Variants in MBD5 observed in about 807,000 individuals in gnomAD.
The protein encoded by MBD5 is methyl-CpG binding domain protein 5.
Under a neutral mutation model 117.3 loss-of-function variants are expected in MBD5, and 13 were observed. The observed-to-expected ratio is 0.11, with a 90% CI of 0.07 to 0.18. MBD5 has a LOEUF of 0.18. MBD5 is among the 10% of genes least tolerant of loss of function. The pLI is 1.00. For missense variants in MBD5, 1,879 were observed against 2,093.8 expected (o/e 0.90, Z 2.00); for synonymous variants, 727 against 766.4 (o/e 0.95, Z 0.85).
rs1204071308 is a variant in MBD5, at chr2:148,067,758, C to T, written c.-925+46074C>T. On this transcript the variant is annotated intron_variant, in intron 1 of 13. Transcript: ENST00000642680. ...GCTGGCTTCTAACATCTCATAGTAA[C>T]TGAATGGTCATTCTTACCTCAACTC... Among the ~76,000 whole-genome samples the T allele has an allele frequency of 2.0e-5, 3 of 152,324 alleles. No homozygotes were observed. The East Asian group carries it at 5.8e-4, about 29-fold the overall frequency.
At chr2:148,183,283 A>G (rs1574105286) in intron 2 of MBD5, among the ~76,000 whole-genome samples, 1 of 152,012 alleles carries the variant, frequency 6.6e-6, no homozygotes, top group East Asian at 1.9e-4. Context: ...CTTATCTTAG[A>G]GTTTGAACCA....
intron 4 of MBD5, among the ~76,000 whole-genome samples, chr2:148,404,813 C>A (rs1037610686): frequency 1.8e-4 from 28 of 152,074 alleles, no homozygotes; most frequent in African/African-American, 6.5e-4. Flanking sequence ...GACTTGAAGC[C>A]AGAGTCATTA....
intron 11 of MBD5, among the ~76,000 whole-genome samples, chr2:148,496,774 C>A (rs1403775398): frequency 6.6e-6 from 1 of 152,050 alleles, no homozygotes; most frequent in Non-Finnish European, 1.5e-5. Flanking sequence ...AAAGGAAGCA[C>A]CGAAAAAGGC....
intron 1 of MBD5, among the ~76,000 whole-genome samples, chr2:148,078,428 A>G (rs1442083426): frequency 1.3e-5 from 2 of 152,172 alleles, no homozygotes; most frequent in African/African-American, 2.4e-5. Context: ...TTTGGAGACT[A>G]CCAGATACAC....
chr2:148,148,738 T>G (rs1697543500), intron 1 of MBD5, among the ~76,000 whole-genome samples: 1 of 152,144 alleles, frequency 6.6e-6, no homozygotes, highest in African/African-American at 2.4e-5. Flanking sequence ...TCTATAGATA[T>G]GACATGCTTG....
At chr2:148,452,818 A>G (rs1351973116) in intron 4 of MBD5, among the ~76,000 whole-genome samples, 1 of 152,140 alleles carries the variant, frequency 6.6e-6, no homozygotes, top group African/African-American at 2.4e-5. Flanking sequence ...AGAAATTATC[A>G]CTCAGAGATT....
intron 3 of MBD5, among the ~76,000 whole-genome samples, chr2:148,294,905 T>A (rs1559009748): frequency 1.3e-5 from 2 of 152,218 alleles, no homozygotes; most frequent in Non-Finnish European, 1.5e-5. Flanking sequence ...TTGTTTCTGA[T>A]GAGAAATCAG....
chr2:148,305,967 TA>T (rs1701880728), intron 3 of MBD5, among the ~76,000 whole-genome samples: 1 of 152,218 alleles, frequency 6.6e-6, no homozygotes, highest in African/African-American at 2.4e-5. Context: ...TATTACAAAA[TA>T]AATCTAGTGT....
intron 3 of MBD5, among the ~76,000 whole-genome samples, chr2:148,325,374 C>G (rs1702417226): frequency 6.6e-6 from 1 of 152,172 alleles, no homozygotes; most frequent in Non-Finnish European, 1.5e-5. Flanking sequence ...AGGATTCCCT[C>G]TTTTTCTATT....
In MBD5 at chr2:148,463,866, G is replaced by C. The variant is rs892631704; in HGVS notation, c.344G>C (p.Ser115Thr). 1 of 1,613,566 alleles carries C rather than the reference G, an allele frequency of 6.2e-7. No homozygotes were observed. Among genetic ancestry groups the C allele is most frequent in the African/African-American group, 1.3e-5 (1 of 74,886 alleles). The change falls in exon 7 of 14, where the codon AGC (serine) becomes ACC (threonine). Residue 115 changes from serine to threonine, a missense_variant. By Grantham distance (58) the Ser-to-Thr change is moderately conservative. This residue lies in a region of MBD5 where 1,666 missense variants were observed against 1,792.2 expected (regional missense o/e 0.93). Transcript: ENST00000642680. ...KIIAVATLHK[S>T]MEAPHPSLVL... ...ATTGCAGTGGCCACACTTCATAAAA[G>C]CATGGAAGCCCCACATCCTTCTCTG... is the stretch of plus-strand genomic sequence containing the variant.
chr2:148,133,127 G>A (rs562149629), intron 1 of MBD5, among the ~76,000 whole-genome samples: 1 of 152,260 alleles, frequency 6.6e-6, no homozygotes, highest in African/African-American at 2.4e-5. Context: ...TCATGTGTCA[G>A]AACACATAAT....
chr2:148,128,874 A>G (rs1300208817), intron 1 of MBD5, among the ~76,000 whole-genome samples: 1 of 152,206 alleles, frequency 6.6e-6, no homozygotes, highest in African/African-American at 2.4e-5. Context: ...AAATGTTTCT[A>G]CTTATTCAGT....
At chr2:148,512,832 CTGT>C (rs1559110208) in intron 13 of MBD5, 35 bp from the exon 14 acceptor site, 38 of 1,563,966 alleles carry the variant, frequency 2.4e-5, no homozygotes, top group East Asian at 9.0e-5. Context: ...ATTTCATCCT[CTGT>C]TGTTGTTGTT....
At chr2:148,080,840 T>G (rs897837151) in intron 1 of MBD5, among the ~76,000 whole-genome samples, 22 of 152,170 alleles carry the variant, frequency 1.4e-4, no homozygotes, top group Non-Finnish European at 3.1e-4. Context: ...GTATGGAAAT[T>G]CTGAGTGATT....
intron 11 of MBD5, among the ~76,000 whole-genome samples, chr2:148,500,688 C>T (rs745800323): frequency 6.6e-6 from 1 of 152,160 alleles, no homozygotes; most frequent in African/African-American, 2.4e-5. Flanking sequence ...TGATCAACCC[C>T]TTCTGAGGTC....
chr2:148,268,807 T>C (rs2106332588), intron 3 of MBD5, among the ~76,000 whole-genome samples: 1 of 152,078 alleles, frequency 6.6e-6, no homozygotes, highest in Non-Finnish European at 1.5e-5. Context: ...CATAGACATT[T>C]CATATTCTCC....
chr2:148,371,546 C>T (rs1006744099), intron 4 of MBD5, among the ~76,000 whole-genome samples: 3 of 152,136 alleles, frequency 2.0e-5, no homozygotes, highest in Non-Finnish European at 4.4e-5. Context: ...ATAAATATTA[C>T]GTTAATTCCA....
At chr2:148,234,619 T>C (rs1700054217) in intron 3 of MBD5, among the ~76,000 whole-genome samples, 1 of 152,170 alleles carries the variant, frequency 6.6e-6, no homozygotes, top group Non-Finnish European at 1.5e-5. Context: ...GAAGTGGTTA[T>C]ATCCACTGGC....
At chr2:148,206,940 A>T (rs990247403) in intron 2 of MBD5, among the ~76,000 whole-genome samples, 4 of 152,242 alleles carry the variant, frequency 2.6e-5, no homozygotes. Context: ...CACTGAATAC[A>T]GGTTCAGCTG....
Sources: allele counts gnomAD v4.1 joint callset (sites outside exome capture counted in the v4.1 genomes callset), GRCh38; gene constraint gnomAD v4.1.1; regional missense constraint gnomAD v4.1.1; transcripts MANE v1.5; gene names NCBI Gene and HGNC (gene_info 2026-07-23, HGNC 2026-07-21).